Variants in DYNC2I2 observed in about 807,000 individuals in gnomAD.
The protein encoded by DYNC2I2 is cytoplasmic dynein 2 intermediate chain 2.
DYNC2I2 carries 39 observed loss-of-function variants against 52.0 expected under a neutral mutation model. The ratio of observed to expected loss-of-function variants is 0.75; its 90% CI spans 0.58 to 0.98. DYNC2I2 has a LOEUF of 0.98. DYNC2I2 is among the 50% of genes least tolerant of loss of function. The pLI is 0.00. For synonymous variants in DYNC2I2, 359 were observed against 321.1 expected, an observed-to-expected ratio of 1.12 and a Z score of -1.26; for missense variants, 743 against 728.4, an observed-to-expected ratio of 1.02 and a Z score of -0.23.
At chr9:128,650,541 A>ATATATATATATATATATG (rs1403022749) in intron 1 of DYNC2I2, among the ~76,000 whole-genome samples, 1 of 50,316 alleles carries the variant, frequency 2.0e-5, no homozygotes, top group African/African-American at 4.2e-5. Flanking sequence ...ATATATATAT[A>ATATATATATATATATATG]TATATATGCC....
At chr9:128,680,361 AATTATT>A in the DYNC2I2 span, among the ~76,000 whole-genome samples, 7,294 of 139,754 alleles carry the variant, frequency 0.052, 246 homozygotes, top group East Asian at 0.17. Context: ...GTACCTGGTC[AATTATT>A]ATTATTATTA....
chr9:128,664,449 A>C, the DYNC2I2 span, among the ~76,000 whole-genome samples: 2 of 152,110 alleles, frequency 1.3e-5, no homozygotes, highest in East Asian at 3.9e-4. Flanking sequence ...GGTTCTGTGT[A>C]GGCAATTGTT....
chr9:128,639,254 C>T (rs112252867), intron 2 of DYNC2I2, among the ~76,000 whole-genome samples: 1,795 of 151,774 alleles, frequency 0.012, 46 homozygotes, highest in African/African-American at 0.041. Flanking sequence ...CAAAATTAGC[C>T]GGGCGTGGTG....
chr9:128,646,952 C>G (rs1434772198), intron 1 of DYNC2I2, among the ~76,000 whole-genome samples: 2 of 152,064 alleles, frequency 1.3e-5, no homozygotes, highest in Non-Finnish European at 2.9e-5. Context: ...TGGTGAAACC[C>G]CGTCTCTACT....
chr9:128,661,578 G>C (rs1000625592), upstream of DYNC2I2, among the ~76,000 whole-genome samples: 1 of 151,718 alleles, frequency 6.6e-6, no homozygotes, highest in Admixed American at 6.6e-5. Flanking sequence ...AGATTGAGCC[G>C]TTGCACTCCA....
At chr9:128,647,696 C>A (rs1860641530) in intron 1 of DYNC2I2, among the ~76,000 whole-genome samples, 1 of 147,384 alleles carries the variant, frequency 6.8e-6, no homozygotes, top group Admixed American at 6.9e-5. Flanking sequence ...CACACCACTG[C>A]CCTGCAGCCT....
At chr9:128,645,533 C>T (rs1419369557) in intron 1 of DYNC2I2, among the ~76,000 whole-genome samples, 1 of 141,820 alleles carries the variant, frequency 7.1e-6, no homozygotes, top group Non-Finnish European at 1.5e-5. Context: ...AGGAGAATCA[C>T]TTGAACCCAA....
upstream of DYNC2I2, among the ~76,000 whole-genome samples, chr9:128,657,063 C>G (rs1860844882): frequency 6.6e-6 from 1 of 152,196 alleles, no homozygotes; most frequent in Non-Finnish European, 1.5e-5. Flanking sequence ...CAGCCTGCGG[C>G]CGTGGCCGGC....
upstream of DYNC2I2, among the ~76,000 whole-genome samples, chr9:128,658,718 C>T (rs1471430627): frequency 5.1e-5 from 6 of 117,458 alleles, no homozygotes; most frequent in Non-Finnish European, 1.1e-4. Flanking sequence ...CTCACCTGAC[C>T]TAATTTTTTT....
At chr9:128,658,919 A>G (rs1332494769), upstream of DYNC2I2, among the ~76,000 whole-genome samples, 1 of 151,334 alleles carries the variant, frequency 6.6e-6, no homozygotes, top group African/African-American at 2.4e-5. Flanking sequence ...AGATGGGGGC[A>G]GGGGTCTCCC....
intron 2 of DYNC2I2, among the ~76,000 whole-genome samples, chr9:128,638,388 G>A (rs1373343179): frequency 2.0e-5 from 3 of 152,024 alleles, no homozygotes; most frequent in Middle Eastern, 6.8e-3. Context: ...GTGGTAGCAC[G>A]TGCCTGTGGT....
chr9:128,636,488 T>A (rs1434643961), intron 3 of DYNC2I2, 50 bp from the exon 4 acceptor site: 1 of 1,544,316 alleles, frequency 6.5e-7, no homozygotes, highest in Admixed American at 1.9e-5. Flanking sequence ...GGGGCTCCTA[T>A]CACCCACCCC....
chr9:128,658,037 G>A (rs1357597024), upstream of DYNC2I2, among the ~76,000 whole-genome samples: 2 of 152,052 alleles, frequency 1.3e-5, no homozygotes, highest in African/African-American at 4.8e-5. Context: ...AGGCTGCAGA[G>A]AGCCCTGATT....
the DYNC2I2 span, among the ~76,000 whole-genome samples, chr9:128,663,951 GC>G: frequency 9.6e-5 from 13 of 135,314 alleles, no homozygotes; most frequent in Admixed American, 2.2e-4. Flanking sequence ...CTGCACCCAG[GC>G]TTTTTTTTTT....
At chr9:128,677,658 T>G in the DYNC2I2 span, among the ~76,000 whole-genome samples, 2 of 150,226 alleles carry the variant, frequency 1.3e-5, no homozygotes, top group African/African-American at 4.9e-5. Flanking sequence ...AATACAAAAA[T>G]TAGCTCGGCG....
At position 128,633,819 on chromosome 9, in the gene DYNC2I2, C is replaced by T. The variant is rs373315870; in HGVS notation, c.1536G>A (p.Leu512=). The change falls in exon 9 of 9, where the codon CTG becomes CTA. Residue 512 remains leucine, a synonymous_variant. Coordinates refer to ENST00000372715, the MANE Select transcript of DYNC2I2 (RefSeq NM_052844.4). ...GCCCTTGTTCCGTGAACTCTGTGCT[C>T]AGCTGCCACACCTTCACTGTGCCCT... ...DAQGTVKVWQ[L]STEFTEQGPR... is the part of the protein sequence containing the mutation. The T allele has an allele frequency of 5.0e-6, 8 of 1,613,466 alleles. No homozygotes were observed. Among genetic ancestry groups the T allele is most frequent in the African/African-American group, 2.7e-5 (2 of 74,944 alleles).
chr9:128,636,058 GC>G, intron 4 of DYNC2I2: 2 of 795,922 alleles, frequency 2.5e-6, no homozygotes, highest in Admixed American at 2.1e-5. Flanking sequence ...CCTCTCCACA[GC>G]CCCCTGTCCT....
intron 1 of DYNC2I2, among the ~76,000 whole-genome samples, chr9:128,643,333 T>A (rs1349916909): frequency 6.6e-6 from 1 of 152,084 alleles, no homozygotes; most frequent in African/African-American, 2.4e-5. Context: ...AAGACCAGCC[T>A]GGCCAAGATG....
chr9:128,682,294 C>G, the DYNC2I2 span, among the ~76,000 whole-genome samples: 1 of 151,908 alleles, frequency 6.6e-6, no homozygotes, highest in South Asian at 2.1e-4. Context: ...GTGATCCACC[C>G]GCATCAGCCT....
Sources: allele counts gnomAD v4.1 joint callset (sites outside exome capture counted in the v4.1 genomes callset), GRCh38; gene constraint gnomAD v4.1.1; transcripts MANE v1.5; gene names NCBI Gene and HGNC (gene_info 2026-07-23, HGNC 2026-07-21).